The following CARMIL2 variants were observed in gnomAD, a reference collection of about 807,000 sequenced individuals.
CARMIL2 encodes the protein capping protein regulator and myosin 1 linker 2, also known as capping protein, Arp2/3 and myosin-I linker protein 2.
Under a neutral mutation model 173.3 loss-of-function variants are expected in CARMIL2, and 96 were observed. That is an observed-to-expected ratio of 0.55 (90% CI 0.47 to 0.66). The LOEUF is 0.66. Among genes scored for constraint, CARMIL2 ranks in the 30% least tolerant of loss-of-function variants. The pLI is 0.00. For missense variants in CARMIL2, 1,771 were observed against 1,906.7 expected, an observed-to-expected ratio of 0.93 and a Z score of 1.33; for synonymous variants, 830 against 817.1, an observed-to-expected ratio of 1.02 and a Z score of -0.27.
chr16:67,646,959 C>T lies in CARMIL2; in HGVS notation c.597C>T (p.Ser199=). 3 of 1,613,444 alleles carry T rather than the reference C, an allele frequency of 1.9e-6. No individual in the cohort carries two copies. Among genetic ancestry groups the T allele is most frequent in the East Asian group, 2.2e-5 (1 of 44,872 alleles). ...GCRHFSLGDF[S]HLGSRDLALS... is the part of the protein sequence containing the mutation. ...GCCATTTCAGCCTGGGAGACTTCAG[C>T]CACCTCGGCAGTCGGTGTGTGGCCT... Residue 199 remains serine (S), a synonymous_variant, in exon 8 of 38, where the codon AGC becomes AGT. Transcript: ENST00000334583. The surrounding 1 kb of genome is among the most constrained non-coding windows in gnomAD (Gnocchi z 4.6).
chr16:67,649,655 G>T lies in CARMIL2; in HGVS notation c.1919+36G>T, dbSNP rs754060379. ...TCAGAGGGGTGGGACCAGCGGGCAGGGGGCGCGGTGGAGAGGAGGGCACCG... is the reference window on the plus strand; with the variant it reads ...TCAGAGGGGTGGGACCAGCGGGCAGTGGGCGCGGTGGAGAGGAGGGCACCG... On this transcript the variant is annotated intron_variant, in intron 20 of 37. Transcript: ENST00000334583. This position sits in a 1 kb window ranked among gnomAD's most constrained non-coding sequence, Gnocchi z 6.7. The T allele has an allele frequency of 1.9e-6, 3 of 1,564,936 alleles. No homozygotes were observed. Among genetic ancestry groups the T allele is most frequent in the Non-Finnish European group, 1.7e-6 (2 of 1,159,956 alleles).
At position 67,651,152 on chromosome 16, in the gene CARMIL2, G is replaced by C. The variant is rs755259260; in HGVS notation, c.2185-35G>C. Reference sequence around the variant, plus strand: ...AGGCAGGATCTGGGAGACTGGGAGGGGGCTAGGCTGAGACTGATCCCCATT... The same window carrying C: ...AGGCAGGATCTGGGAGACTGGGAGGCGGCTAGGCTGAGACTGATCCCCATT... On this transcript the variant is annotated intron_variant, in intron 22 of 37. Transcript: ENST00000334583. This position sits in a 1 kb window ranked among gnomAD's most constrained non-coding sequence, Gnocchi z 4.2. The C allele has an allele frequency of 5.6e-6, 9 of 1,600,766 alleles. No individual in the cohort carries two copies. The East Asian group carries it at 2.0e-4, about 36-fold the overall frequency.
rs2052695426 is a variant in CARMIL2, at chr16:67,650,067, A to G, written c.2101A>G (p.Arg701Gly). 6.2e-7 allele frequency: 1 copy of G among 1,613,624 alleles called. No individual in the cohort carries two copies. The highest frequency in any genetic ancestry group is 8.5e-7 in the Non-Finnish European group (1 of 1,179,850). ...AVHQIQACLL[R>G]NNRADPASSD... ...CCCCTAGATCCAAGCCTGTCTCTTG[A>G]GGAACAACCGCGCAGACCCTGCCTC... The change falls in exon 22 of 38, where the codon AGG (arginine) becomes GGG (glycine). Residue 701 changes from arginine to glycine, a missense_variant. Physicochemically the swap from Arg to Gly is moderately radical, Grantham distance 125 (BLOSUM62 -2). Coordinates refer to ENST00000334583, the MANE Select transcript of CARMIL2 (RefSeq NM_001013838.3).
At position 67,653,475 on chromosome 16, in the gene CARMIL2, T is replaced by C. The variant is rs2052769561; in HGVS notation, c.3120+221T>C. 6.6e-6 allele frequency among the ~76,000 whole-genome samples: 1 copy of C among 151,652 alleles called. No individual in the cohort carries two copies. Among genetic ancestry groups the C allele is most frequent in the Non-Finnish European group, 1.5e-5 (1 of 67,872 alleles). On this transcript the variant is annotated intron_variant, in intron 29 of 37. Transcript: ENST00000334583. This position sits in a 1 kb window ranked among gnomAD's most constrained non-coding sequence, Gnocchi z 7.4. ...GTGCGGGTTCCGTTCGGGGTGTGCC[T>C]GGGTGTGGGACTCCGTCTCGGGGCG... is the stretch of plus-strand genomic sequence containing the variant.
At position 67,654,244 on chromosome 16, in the gene CARMIL2, T is replaced by TCGCCTGTG; in HGVS notation, c.3217_3221+3dup. 6.4e-7 allele frequency: 1 copy of TCGCCTGTG among 1,566,636 alleles called. No individual in the cohort carries two copies. Among genetic ancestry groups the TCGCCTGTG allele is most frequent in the Non-Finnish European group, 8.7e-7 (1 of 1,155,556 alleles). On this transcript the variant is annotated frameshift_variant, in exon 30 of 38. Transcript: ENST00000334583. LOFTEE classifies it high-confidence loss of function. ...TCTCCAAAAGGCTGATCCAGCAGGA[T>TCGCCTGTG]CGCCTGTGAGTGAGGGGCATCTGCT...
chr16:67,655,288 C>T (rs189071469), intron 32 of CARMIL2, among the ~76,000 whole-genome samples: 47 of 152,182 alleles, frequency 3.1e-4, no homozygotes, highest in African/African-American at 9.4e-4. Flanking sequence ...AAAAATTAGC[C>T]GGGTGTGGCG....
rs1357896493 is a variant in CARMIL2, at chr16:67,648,841, C to G, written c.1510-52C>G. On this transcript the variant is annotated intron_variant, in intron 16 of 37. Coordinates refer to ENST00000334583, the MANE Select transcript of CARMIL2 (RefSeq NM_001013838.3). The surrounding 1 kb of genome is among the most constrained non-coding windows in gnomAD (Gnocchi z 6.1). ...GGGCCGTGGGCCGCCTGCCCCTCCC[C>G]ACTCGCGGCCTAAGTGGGTCCCACT... The G allele has an allele frequency of 1.9e-6, 3 of 1,572,812 alleles. No individual in the cohort carries two copies. The highest frequency in any genetic ancestry group is 2.6e-6 in the Non-Finnish European group (3 of 1,159,316).
chr16:67,649,773 C>T lies in CARMIL2; in HGVS notation c.1920-33C>T. On this transcript the variant is annotated intron_variant, in intron 20 of 37. Coordinates refer to ENST00000334583, the MANE Select transcript of CARMIL2 (RefSeq NM_001013838.3). The surrounding 1 kb of genome is among the most constrained non-coding windows in gnomAD (Gnocchi z 6.7). ...GAGGGTTGGGTGGGGCGTTGGGAAGCTCCGTCCCCGACTGAAGCCAGGCCC... is the reference window on the plus strand; with the variant it reads ...GAGGGTTGGGTGGGGCGTTGGGAAGTTCCGTCCCCGACTGAAGCCAGGCCC... 2.5e-6 allele frequency: 4 copies of T among 1,597,376 alleles called. No homozygotes were observed. The highest frequency in any genetic ancestry group is 3.4e-6 in the Non-Finnish European group (4 of 1,170,480).
intron 3 of CARMIL2, 59 bp from the exon 4 acceptor site, chr16:67,645,959 T>C (rs766354707): frequency 1.8e-4 from 287 of 1,605,576 alleles, no homozygotes; most frequent in Non-Finnish European, 2.3e-4. Context: ...CCCAAAGGAC[T>C]GGACTTCCAT....
In CARMIL2 at chr16:67,648,751, C is replaced by T. The variant is rs1363819553; in HGVS notation, c.1506C>T (p.Cys502=). 1.2e-6 allele frequency: 2 copies of T among 1,601,496 alleles called. No individual in the cohort carries two copies. The highest frequency in any genetic ancestry group is 1.7e-6 in the Non-Finnish European group (2 of 1,174,564). Residue 502 remains cysteine, a synonymous_variant, in exon 16 of 38, where the codon TGC becomes TGT. Coordinates refer to ENST00000334583, the MANE Select transcript of CARMIL2 (RefSeq NM_001013838.3). This position sits in a 1 kb window ranked among gnomAD's most constrained non-coding sequence, Gnocchi z 6.1. The part of the protein sequence containing the change: ...LRDLHLDLSA[C]ELRSAGAQVI... ...ACCTGCACCTGGACCTCAGCGCTTG[C>T]GAGGTGAGCGCCGGCCCCCAGAAGA...
chr16:67,645,639 GC>G lies in CARMIL2; in HGVS notation c.132+9del. ...GTGCAAAACCATGTCCTGGTATGGG[GC>G]AGGGGACAGAGCCGGGGAGGCGGCT... On this transcript the variant is annotated intron_variant, in intron 2 of 37. Transcript: ENST00000334583. 1.9e-6 allele frequency: 3 copies of G among 1,613,360 alleles called. No individual in the cohort carries two copies. Among genetic ancestry groups the G allele is most frequent in the South Asian group, 1.1e-5 (1 of 91,084 alleles).
In CARMIL2 at chr16:67,651,749, G is replaced by T. The variant is rs2052726509; in HGVS notation, c.2492G>T (p.Ser831Ile). Residue 831 changes from serine to isoleucine, a missense_variant, in exon 25 of 38, where the codon AGC (serine) becomes ATC (isoleucine). Ser to Ile is a moderately radical substitution (Grantham distance 142, BLOSUM62 -2). Around this residue, in one of 3 missense-constraint regions of CARMIL2, gnomAD observed 817 missense variants for 903.5 expected, o/e 0.90. Coordinates refer to ENST00000334583, the MANE Select transcript of CARMIL2 (RefSeq NM_001013838.3). This position sits in a 1 kb window ranked among gnomAD's most constrained non-coding sequence, Gnocchi z 4.2. ...SLCPQMLQGSSWREQLEGVLA... is the reference protein window; with the variant it reads ...SLCPQMLQGSIWREQLEGVLA... Reference sequence around the variant, plus strand: ...TGCCCACAGATGCTGCAGGGATCCAGCTGGAGGGAGCAGCTAGAGGGGGTC... The same window carrying T: ...TGCCCACAGATGCTGCAGGGATCCATCTGGAGGGAGCAGCTAGAGGGGGTC... The T allele has an allele frequency of 1.2e-6, 2 of 1,606,310 alleles. No homozygotes were observed. Among genetic ancestry groups the T allele is most frequent in the Admixed American group, 1.7e-5 (1 of 58,564 alleles).
Position 67,653,271 on chromosome 16 carries a change from C to G in CARMIL2, c.3120+17C>G. 2 of 1,112,008 alleles carry G rather than the reference C, an allele frequency of 1.8e-6. No individual in the cohort carries two copies. Among genetic ancestry groups the G allele is most frequent in the Non-Finnish European group, 2.2e-6 (2 of 901,008 alleles). 68.9% of individuals were successfully genotyped at this position (1,112,008 alleles called of 1,614,324 possible). On this transcript the variant is annotated intron_variant, in intron 29 of 37. Coordinates refer to ENST00000334583, the MANE Select transcript of CARMIL2 (RefSeq NM_001013838.3). This position sits in a 1 kb window ranked among gnomAD's most constrained non-coding sequence, Gnocchi z 7.4. ...GGCCCCCAGGTGAGCACCCTTCCCC[C>G]ACTCCGGAGCGCGTGGAATTGGGGA...
chr16:67,648,826 C>T lies in CARMIL2; in HGVS notation c.1510-67C>T. On this transcript the variant is annotated intron_variant, in intron 16 of 37. Transcript: ENST00000334583. The surrounding 1 kb of genome is among the most constrained non-coding windows in gnomAD (Gnocchi z 6.1). ...GGAGGCGGAAGGGCAGGGCCGTGGG[C>T]CGCCTGCCCCTCCCCACTCGCGGCC... is the stretch of plus-strand genomic sequence containing the variant. 6.4e-7 allele frequency: 1 copy of T among 1,563,200 alleles called. No individual in the cohort carries two copies. Among genetic ancestry groups the T allele is most frequent in the Admixed American group, 1.9e-5 (1 of 52,800 alleles).
At chr16:67,647,629 G>A (rs368456893) in intron 11 of CARMIL2, 27 bp downstream of exon 11, 17 of 1,603,666 alleles carry the variant, frequency 1.1e-5, no homozygotes, top group Non-Finnish European at 1.4e-5. Flanking sequence ...GGACCGCAGG[G>A]GTGGGCAGCA....
rs369620359 is a variant in CARMIL2, at chr16:67,646,680, C to G, written c.467-34C>G. ...TCCATCGCTGATGTTTTGTCTCTCT[C>G]CTTTTCCACATCGCACCCCTATCCC... On this transcript the variant is annotated intron_variant, in intron 6 of 37. Transcript: ENST00000334583. This position sits in a 1 kb window ranked among gnomAD's most constrained non-coding sequence, Gnocchi z 4.6. The G allele has an allele frequency of 1.2e-6, 2 of 1,610,000 alleles. No individual in the cohort carries two copies. The highest frequency in any genetic ancestry group is 1.7e-6 in the Non-Finnish European group (2 of 1,176,390).
Position 67,648,856 on chromosome 16 carries a change from TG to T in CARMIL2, c.1510-34del. The stretch of plus-strand genomic sequence containing the variant: ...TGCCCCTCCCCACTCGCGGCCTAAG[TG>T]GGTCCCACTTCCCACCTCCCACCTC... On this transcript the variant is annotated intron_variant, in intron 16 of 37. Coordinates refer to ENST00000334583, the MANE Select transcript of CARMIL2 (RefSeq NM_001013838.3). The surrounding 1 kb of genome is among the most constrained non-coding windows in gnomAD (Gnocchi z 6.1). 6.3e-7 allele frequency: 1 copy of T among 1,584,938 alleles called. No individual in the cohort carries two copies. The highest frequency in any genetic ancestry group is 8.6e-7 in the Non-Finnish European group (1 of 1,166,292).
chr16:67,650,448 A>C, intron 22 of CARMIL2: 1 of 464,864 alleles, frequency 2.2e-6, no homozygotes, highest in Non-Finnish European at 3.9e-6. Context: ...CCTCACATAT[A>C]CGTGACTCCC....
In CARMIL2 at chr16:67,645,751, C is replaced by T. The variant is rs779951517; in HGVS notation, c.160C>T (p.Leu54=). Reference sequence around the variant, plus strand: ...ACTGCTACGATGGAGAGCCTACCTGCTGCACACCACCTGCCTCCCGCTGAG... The same window carrying T: ...ACTGCTACGATGGAGAGCCTACCTGTTGCACACCACCTGCCTCCCGCTGAG... ...LALLRWRAYL[L]HTTCLPLRVD... The change falls in exon 3 of 38, where the codon CTG becomes TTG. Residue 54 remains leucine, a synonymous_variant. Coordinates refer to ENST00000334583, the MANE Select transcript of CARMIL2 (RefSeq NM_001013838.3). 2.5e-6 allele frequency: 4 copies of T among 1,612,784 alleles called. No homozygotes were observed. The Admixed American group carries it at 6.7e-5, about 27-fold the overall frequency.
Sources: gnomAD v4.1 joint callset for allele counts (sites outside exome capture counted in the v4.1 genomes callset) on GRCh38, gnomAD v4.1.1 for gene constraint, gnomAD v4.1.1 regional missense constraint, Gnocchi (gnomAD v3.1) non-coding constraint, MANE v1.5 for transcripts, NCBI Gene and HGNC (gene_info 2026-07-23, HGNC 2026-07-21) for gene names.